ADARB2: variants seen among roughly 807,000 people sequenced by gnomAD.
ADARB2 encodes inactive double-stranded RNA-specific editase B2.
A neutral mutation model predicts 62.2 loss-of-function variants in ADARB2; 25 were observed. That is an observed-to-expected ratio of 0.40 (90% CI 0.29 to 0.56). The LOEUF (loss-of-function observed/expected upper bound fraction) is 0.56, where lower values mean the gene tolerates loss of function less well. ADARB2 is among the 20% of genes least tolerant of loss of function. The probability of loss-of-function intolerance (pLI) is 0.43; values close to 1 mark genes in which losing one functional copy is unlikely to be tolerated. For missense variants in ADARB2, 1,071 were observed against 1,077.4 expected (o/e 0.99, Z 0.08); for synonymous variants, 572 against 500.8 (o/e 1.14, Z -1.90).
At chr10:1,521,704 T>C (rs551120562) in intron 1 of ADARB2, among the ~76,000 whole-genome samples, 1 of 152,346 alleles carries the variant, frequency 6.6e-6, no homozygotes, top group East Asian at 1.9e-4. Context: ...TCCAGGACTT[T>C]GGACAAATTC....
intron 1 of ADARB2, among the ~76,000 whole-genome samples, chr10:1,668,801 G>T (rs1834343754): frequency 6.6e-6 from 1 of 152,214 alleles, no homozygotes; most frequent in African/African-American, 2.4e-5. Context: ...ATCTGTTCGA[G>T]AGCTTTCTTT....
rs150296758 is a variant in ADARB2 at position 1,555,240 on chromosome 10, C to T, written c.101-176080G>A. 1.1e-4 allele frequency among the ~76,000 whole-genome samples: 16 copies of T among 152,280 alleles called. No homozygotes were observed. In the East Asian group the frequency reaches 2.5e-3, roughly 24 times the overall value. On this transcript the variant is annotated intron_variant, in intron 1 of 9. Coordinates refer to ENST00000381312, the MANE Select transcript of ADARB2 (RefSeq NM_018702.4). ...TCTTTCGGATATATATCCCAGTAAT[C>T]GGACAGCTGACTCAAATGGCAGTTG...
intron 1 of ADARB2, among the ~76,000 whole-genome samples, chr10:1,432,824 T>C (rs1830790713): frequency 6.6e-6 from 1 of 152,092 alleles, no homozygotes; most frequent in Non-Finnish European, 1.5e-5. Flanking sequence ...GATGGTCACC[T>C]TGGGCAGGGA....
intron 3 of ADARB2, among the ~76,000 whole-genome samples, chr10:1,307,997 G>A (rs1831647117): frequency 6.7e-6 from 1 of 148,254 alleles, no homozygotes; most frequent in Non-Finnish European, 1.5e-5. Flanking sequence ...AAGTTAGTGG[G>A]TGCAGCACAC....
Position 1,363,241 on chromosome 10 carries a change from G to A in ADARB2, c.864C>T (p.Ala288=), listed in dbSNP as rs766662895. The change falls in exon 3 of 10, where the codon GCC becomes GCT. Residue 288 remains alanine, a synonymous_variant. Coordinates refer to ENST00000381312, the MANE Select transcript of ADARB2 (RefSeq NM_018702.4). ...CTGCCAGACACACGTAGCGCAGCCC[G>A]GCGCGCAGGCGGTTCAGCAGCACCA... ...NPVVLLNRLR[A]GLRYVCLAEP... 6.6e-6 allele frequency: 9 copies of A among 1,365,002 alleles called. No homozygotes were observed. Among genetic ancestry groups the A allele is most frequent in the Admixed American group, 3.0e-5 (1 of 32,964 alleles). The allele number at this position is 1,365,002 out of a possible 1,614,324, so 84.6% of individuals were successfully genotyped here. A position where few individuals can be genotyped will look rare whatever the true frequency, so the allele number is the denominator to read the frequency against.
In ADARB2 at chr10:1,368,747, C is replaced by T. The variant is rs116995503; in HGVS notation, c.188-4830G>A. Among the ~76,000 whole-genome samples the T allele has an allele frequency of 8.7e-4, 132 of 152,338 alleles. 2 individuals carry two copies. In the East Asian group the frequency reaches 0.023, roughly 27 times the overall value. On this transcript the variant is annotated intron_variant, in intron 2 of 9. Transcript: ENST00000381312. ...TAACAGTGCAGGTGCCTGAGGCATA[C>T]GAAGGGAAAAACAGGCTTTGCCTCT... is the stretch of plus-strand genomic sequence containing the variant.
intron 1 of ADARB2, among the ~76,000 whole-genome samples, chr10:1,631,962 C>G (rs1346130591): frequency 6.6e-6 from 1 of 151,982 alleles, no homozygotes; most frequent in African/African-American, 2.4e-5. Context: ...TAGAGAGGAG[C>G]TTGCCATGCA....
chr10:1,212,350 G>A (rs1589152975), intron 7 of ADARB2, among the ~76,000 whole-genome samples: 1 of 152,366 alleles, frequency 6.6e-6, no homozygotes, highest in South Asian at 2.1e-4. Flanking sequence ...AACGGCAAGT[G>A]CGGCGCAATT....
At chr10:1,198,115 A>G (rs1043847481) in intron 8 of ADARB2, among the ~76,000 whole-genome samples, 17 of 152,214 alleles carry the variant, frequency 1.1e-4, no homozygotes, top group Admixed American at 5.9e-4. Context: ...AAGTTTTGCC[A>G]TAGATTTAGA....
At chr10:1,684,547 G>A (rs771354489) in intron 1 of ADARB2, among the ~76,000 whole-genome samples, 1 of 152,210 alleles carries the variant, frequency 6.6e-6, no homozygotes, top group Non-Finnish European at 1.5e-5. Context: ...TAACTGGATT[G>A]TAGAAAGTTC....
At chr10:1,672,735 G>GCTCCTGCCCCCCTCCACGCATGGAAAGT (rs1834407337) in intron 1 of ADARB2, among the ~76,000 whole-genome samples, 1 of 146,870 alleles carries the variant, frequency 6.8e-6, no homozygotes, top group African/African-American at 2.5e-5. Flanking sequence ...GCACCGCAAG[G>GCTCCTGCCCCCCTCCACGCATGGAAAGT]CTCCTGCCTC....
At chr10:1,588,573 C>T (rs527855558) in intron 1 of ADARB2, among the ~76,000 whole-genome samples, 21 of 152,294 alleles carry the variant, frequency 1.4e-4, no homozygotes, top group South Asian at 1.2e-3. Flanking sequence ...CACCCTTCTG[C>T]GGCTGGAACA....
chr10:1,594,910 C>T lies in ADARB2; in HGVS notation c.100+142141G>A, dbSNP rs143213931. Reference sequence around the variant, plus strand: ...CATACCTGTGGTGGGGTGCCATCCACGCATCCAGCACACAGCCGCTGAGCG... The same window carrying T: ...CATACCTGTGGTGGGGTGCCATCCATGCATCCAGCACACAGCCGCTGAGCG... On this transcript the variant is annotated intron_variant, in intron 1 of 9. Transcript: ENST00000381312. Among the ~76,000 whole-genome samples, 13 of 152,304 alleles carry T rather than the reference C, an allele frequency of 8.5e-5. No individual in the cohort carries two copies. The East Asian group carries it at 2.1e-3, about 25-fold the overall frequency.
intron 3 of ADARB2, among the ~76,000 whole-genome samples, chr10:1,279,053 C>T (rs765597445): frequency 2.9e-4 from 44 of 152,134 alleles, no homozygotes; most frequent in Non-Finnish European, 5.9e-4. Context: ...TTTTTTTCCC[C>T]AACCTTTTCA....
chr10:1,468,696 A>G (rs1480173441), intron 1 of ADARB2, among the ~76,000 whole-genome samples: 4 of 152,214 alleles, frequency 2.6e-5, no homozygotes, highest in African/African-American at 9.6e-5. Context: ...TTCTGGTCCA[A>G]GGACAAGTGG....
intron 1 of ADARB2, among the ~76,000 whole-genome samples, chr10:1,498,111 G>A (rs552944562): frequency 1.1e-4 from 17 of 152,250 alleles, no homozygotes; most frequent in African/African-American, 3.6e-4. Context: ...GGTGGCTCAC[G>A]CTTGTAATCC....
chr10:1,203,761 G>A (rs1304503231), intron 7 of ADARB2, among the ~76,000 whole-genome samples: 1 of 152,216 alleles, frequency 6.6e-6, no homozygotes, highest in African/African-American at 2.4e-5. Flanking sequence ...AGGTCGTGAT[G>A]CTGGTCAGTG....
At chr10:1,648,885 A>G (rs1255652894) in intron 1 of ADARB2, among the ~76,000 whole-genome samples, 1 of 152,178 alleles carries the variant, frequency 6.6e-6, no homozygotes, top group Non-Finnish European at 1.5e-5. Context: ...TCATCTTACA[A>G]GGGCAACTGA....
intron 3 of ADARB2, among the ~76,000 whole-genome samples, chr10:1,310,684 G>A (rs1310523761): frequency 1.3e-5 from 2 of 152,196 alleles, no homozygotes; most frequent in African/African-American, 4.8e-5. Context: ...ACCTCTGGAG[G>A]GGATCTCTGT....
Sources: gnomAD v4.1 joint callset for allele counts (sites outside exome capture counted in the v4.1 genomes callset) on GRCh38, gnomAD v4.1.1 for gene constraint, MANE v1.5 for transcripts, NCBI Gene and HGNC (gene_info 2026-07-23, HGNC 2026-07-21) for gene names.